Variants in NEK10 observed in about 807,000 individuals in gnomAD.
NEK10 encodes serine/threonine-protein kinase Nek10.
A neutral mutation model predicts 159.8 loss-of-function variants in NEK10; 122 were observed. That is an observed-to-expected ratio of 0.76 (90% CI 0.66 to 0.89). The LOEUF is 0.89. NEK10 is among the 40% of genes least tolerant of loss of function. The pLI is 0.00. For missense variants in NEK10, 1,342 were observed against 1,323.1 expected, an observed-to-expected ratio of 1.01 and a Z score of -0.22; for synonymous variants, 466 against 457.1, an observed-to-expected ratio of 1.02 and a Z score of -0.25.
intron 30 of NEK10, among the ~76,000 whole-genome samples, chr3:27,150,712 G>A (rs1157145203): frequency 1.3e-5 from 2 of 152,148 alleles, no homozygotes; most frequent in Non-Finnish European, 2.9e-5. Context: ...GCAGTCCAAT[G>A]ATCAAGGAGT....
chr3:27,268,025 A>C (rs1343537165), intron 22 of NEK10, among the ~76,000 whole-genome samples: 1 of 152,214 alleles, frequency 6.6e-6, no homozygotes, highest in African/African-American at 2.4e-5. Context: ...AGTTTAAGTG[A>C]TCTGGACAGA....
At chr3:27,235,576 C>T (rs747777599) in intron 23 of NEK10, among the ~76,000 whole-genome samples, 3 of 152,020 alleles carry the variant, frequency 2.0e-5, no homozygotes, top group Non-Finnish European at 4.4e-5. Flanking sequence ...ATCTCACGCC[C>T]ATCACAATGG....
intron 22 of NEK10, among the ~76,000 whole-genome samples, chr3:27,274,640 C>T (rs73161120): frequency 1.6e-3 from 245 of 152,070 alleles, no homozygotes; most frequent in African/African-American, 5.5e-3. Flanking sequence ...TATGCGCACA[C>T]ATGCAGGCAT....
At chr3:27,253,491 G>A (rs1364852081) in intron 23 of NEK10, among the ~76,000 whole-genome samples, 2 of 152,182 alleles carry the variant, frequency 1.3e-5, no homozygotes, top group Non-Finnish European at 2.9e-5. Context: ...CACATCAGAT[G>A]AATGAAAAGA....
At chr3:27,257,837 G>A (rs1406244936) in intron 22 of NEK10, among the ~76,000 whole-genome samples, 4 of 140,726 alleles carry the variant, frequency 2.8e-5, no homozygotes, top group Admixed American at 7.4e-5. Context: ...CACCTAGTCT[G>A]GAGTGCAGTG....
At chr3:27,275,259 G>A (rs2041685770) in intron 22 of NEK10, among the ~76,000 whole-genome samples, 1 of 152,196 alleles carries the variant, frequency 6.6e-6, no homozygotes. Flanking sequence ...TCTGAGAAAT[G>A]CAGAATGACC....
intron 22 of NEK10, among the ~76,000 whole-genome samples, chr3:27,279,738 C>G (rs1054971447): frequency 1.3e-5 from 2 of 152,134 alleles, no homozygotes; most frequent in Non-Finnish European, 2.9e-5. Context: ...AGAAACTAGA[C>G]TAGGCTAGGA....
intron 22 of NEK10, among the ~76,000 whole-genome samples, chr3:27,282,794 A>G (rs1350163304): frequency 1.3e-5 from 2 of 150,354 alleles, no homozygotes; most frequent in Non-Finnish European, 3.0e-5. Flanking sequence ...ACAATTTATA[A>G]TAATCCTTAT....
chr3:27,165,277 A>G (rs1946376242), intron 29 of NEK10, among the ~76,000 whole-genome samples: 1 of 152,208 alleles, frequency 6.6e-6, no homozygotes, highest in Non-Finnish European at 1.5e-5. Flanking sequence ...GAAATTTCAA[A>G]ATAGAACAGA....
chr3:27,158,422 G>C (rs79621336), intron 30 of NEK10, among the ~76,000 whole-genome samples: 2 of 152,242 alleles, frequency 1.3e-5, no homozygotes, highest in Non-Finnish European at 2.9e-5. Flanking sequence ...ACTACTAAAA[G>C]TTGTTCGTAT....
chr3:27,130,302 T>C (rs1256734631), intron 32 of NEK10, among the ~76,000 whole-genome samples: 1 of 152,110 alleles, frequency 6.6e-6, no homozygotes, highest in Non-Finnish European at 1.5e-5. Context: ...CCCAAACATC[T>C]CCTACCACCC....
intron 22 of NEK10, among the ~76,000 whole-genome samples, chr3:27,279,407 C>T (rs894899377): frequency 1.3e-5 from 2 of 152,176 alleles, no homozygotes; most frequent in African/African-American, 4.8e-5. Flanking sequence ...GCAGCCAGCC[C>T]ATTCTCACAG....
chr3:27,298,170 A>C (rs2149521306), intron 13 of NEK10, among the ~76,000 whole-genome samples: 1 of 152,216 alleles, frequency 6.6e-6, no homozygotes, highest in Middle Eastern at 3.4e-3. Context: ...CTGTGTCCCC[A>C]CCCAAATCTC....
chr3:27,249,814 C>T (rs935449844), intron 23 of NEK10, among the ~76,000 whole-genome samples: 2 of 152,094 alleles, frequency 1.3e-5, no homozygotes, highest in Non-Finnish European at 2.9e-5. Flanking sequence ...TCTTTCCTGT[C>T]TTCCTGTTAG....
intron 22 of NEK10, among the ~76,000 whole-genome samples, chr3:27,265,097 G>C (rs910163692): frequency 3.9e-5 from 6 of 152,024 alleles, no homozygotes; most frequent in African/African-American, 1.4e-4. Flanking sequence ...ACCTGATAAA[G>C]AGCATCTACC....
intron 6 of NEK10, among the ~76,000 whole-genome samples, chr3:27,318,025 G>T (rs951571121): frequency 6.6e-6 from 1 of 152,056 alleles, no homozygotes; most frequent in African/African-American, 2.4e-5. Flanking sequence ...GGAAGGTCTC[G>T]ATCTCCTGAC....
In NEK10 at chr3:27,339,394, G is replaced by A. The variant is rs571023936; in HGVS notation, c.362+4878C>T. ...CTATCAAAAAATGGGCAAAGGATAT[G>A]AGCAGACACTTCTCAAAAGAAGACA... On this transcript the variant is annotated intron_variant, in intron 5 of 35. Transcript: ENST00000691995. 2.6e-5 allele frequency among the ~76,000 whole-genome samples: 4 copies of A among 152,280 alleles called. No individual in the cohort carries two copies. The South Asian group carries it at 8.3e-4, about 32-fold the overall frequency.
chr3:27,243,835 G>A (rs1050446770), intron 23 of NEK10, among the ~76,000 whole-genome samples: 1 of 52,774 alleles, frequency 1.9e-5, no homozygotes, highest in African/African-American at 5.8e-5. Flanking sequence ...CCATGGGTGT[G>A]TGTGTGTGTG....
intron 30 of NEK10, among the ~76,000 whole-genome samples, chr3:27,143,111 T>C (rs537491246): frequency 2.0e-5 from 3 of 152,312 alleles, no homozygotes; most frequent in African/African-American, 7.2e-5. Context: ...CTTGTGGAGA[T>C]GGCCAAGTGT....
Sources: gnomAD v4.1 joint callset for allele counts (sites outside exome capture counted in the v4.1 genomes callset) on GRCh38, gnomAD v4.1.1 for gene constraint, MANE v1.5 for transcripts, NCBI Gene and HGNC (gene_info 2026-07-23, HGNC 2026-07-21) for gene names.